Variants in STK33 observed in about 807,000 individuals in gnomAD.
STK33 encodes serine/threonine-protein kinase 33.
In STK33, 52 loss-of-function variants were observed where a neutral mutation model predicts 58.0. The ratio of observed to expected loss-of-function variants is 0.90; its 90% CI spans 0.72 to 1.13. STK33 has a LOEUF of 1.13. Among genes scored for constraint, STK33 ranks in the 50% most tolerant of loss-of-function variants. STK33 has a pLI of 0.00. For synonymous variants in STK33, 215 were observed against 200.1 expected, an observed-to-expected ratio of 1.07 and a Z score of -0.63; for missense variants, 630 against 604.2, an observed-to-expected ratio of 1.04 and a Z score of -0.45.
At chr11:8,583,366 A>C (rs2141386833) in intron 1 of STK33, among the ~76,000 whole-genome samples, 1 of 152,328 alleles carries the variant, frequency 6.6e-6, no homozygotes, top group East Asian at 1.9e-4. Flanking sequence ...TAGTACTAAA[A>C]GTAAAATTCC....
intron 8 of STK33, among the ~76,000 whole-genome samples, chr11:8,461,202 C>T (rs923670189): frequency 2.6e-5 from 4 of 152,174 alleles, no homozygotes; most frequent in Non-Finnish European, 5.9e-5. Flanking sequence ...CTAATCCGTA[C>T]ATTATTACTC....
At chr11:8,450,087 C>A (rs1946087838) in intron 11 of STK33, among the ~76,000 whole-genome samples, 1 of 152,122 alleles carries the variant, frequency 6.6e-6, no homozygotes, top group African/African-American at 2.4e-5. Context: ...AATCATTCTA[C>A]TGTAAGGACA....
At chr11:8,387,573 C>T (rs528671908), downstream of STK33, among the ~76,000 whole-genome samples, 453 of 152,292 alleles carry the variant, frequency 3.0e-3, 1 homozygote, top group Non-Finnish European at 4.9e-3. Context: ...TGTATAAGTG[C>T]TCTGTAACTG....
At chr11:8,352,018 T>C in the STK33 span, among the ~76,000 whole-genome samples, 2 of 152,348 alleles carry the variant, frequency 1.3e-5, no homozygotes, top group South Asian at 4.1e-4. Flanking sequence ...ACGTGGCCTC[T>C]GTCCCATCAC....
chr11:8,479,079 G>A (rs372075214), intron 2 of STK33, among the ~76,000 whole-genome samples: 18 of 152,080 alleles, frequency 1.2e-4, no homozygotes, highest in African/African-American at 4.3e-4. Flanking sequence ...GCAGTAATAC[G>A]GAAGGACAGT....
intron 15 of STK33, among the ~76,000 whole-genome samples, chr11:8,395,860 G>C (rs988335479): frequency 6.6e-6 from 1 of 152,156 alleles, no homozygotes; most frequent in African/African-American, 2.4e-5. Flanking sequence ...AATTTTGAAA[G>C]ATATCATCAT....
At chr11:8,420,078 G>T (rs1162053751) in intron 14 of STK33, among the ~76,000 whole-genome samples, 4 of 152,120 alleles carry the variant, frequency 2.6e-5, no homozygotes, top group Non-Finnish European at 4.4e-5. Context: ...AAAGTGCTGA[G>T]ATTACAGGTG....
chr11:8,436,642 A>C (rs577397602), intron 12 of STK33, among the ~76,000 whole-genome samples: 1 of 152,332 alleles, frequency 6.6e-6, no homozygotes, highest in East Asian at 1.9e-4. Context: ...ATCCATAGTA[A>C]AATACTGTAC....
At chr11:8,523,900 AAG>A (rs1399378095) in intron 1 of STK33, among the ~76,000 whole-genome samples, 1 of 152,234 alleles carries the variant, frequency 6.6e-6, no homozygotes, top group African/African-American at 2.4e-5. Context: ...GGGAAAAAGA[AAG>A]AGATCGGATT....
At chr11:8,453,776 T>G (rs1284561015) in intron 10 of STK33, among the ~76,000 whole-genome samples, 1 of 152,188 alleles carries the variant, frequency 6.6e-6, no homozygotes, top group Non-Finnish European at 1.5e-5. Context: ...AGTAAGAAAA[T>G]GCTCCTATTT....
chr11:8,389,098 G>A (rs1339260082), downstream of STK33, among the ~76,000 whole-genome samples: 1 of 152,044 alleles, frequency 6.6e-6, no homozygotes, highest in East Asian at 1.9e-4. Flanking sequence ...TGCGGAAGCT[G>A]AGGATTTAAC....
chr11:8,390,212 T>C (rs991367205), downstream of STK33, among the ~76,000 whole-genome samples: 3 of 152,230 alleles, frequency 2.0e-5, no homozygotes, highest in Admixed American at 2.0e-4. Context: ...GCCTGCCTTA[T>C]CTGTCACTCA....
At chr11:8,491,756 A>T (rs1591456952) in intron 1 of STK33, among the ~76,000 whole-genome samples, 1 of 152,140 alleles carries the variant, frequency 6.6e-6, no homozygotes, top group Non-Finnish European at 1.5e-5. Context: ...CTCAGCAGAA[A>T]CTCTACAAGC....
At chr11:8,391,595 A>C (rs1848629395), downstream of STK33, among the ~76,000 whole-genome samples, 1 of 152,226 alleles carries the variant, frequency 6.6e-6, no homozygotes, top group South Asian at 2.1e-4. Context: ...TTATGAAGGT[A>C]AAAGCAATTG....
chr11:8,336,930 G>A, the STK33 span, among the ~76,000 whole-genome samples: 3,036 of 152,324 alleles, frequency 0.02, 77 homozygotes, highest in African/African-American at 0.057. Flanking sequence ...CTGCACCACC[G>A]TGGCTCAGAG....
intron 1 of STK33, among the ~76,000 whole-genome samples, chr11:8,568,985 T>A (rs1350138823): frequency 3.9e-5 from 6 of 152,204 alleles, no homozygotes; most frequent in African/African-American, 1.4e-4. Flanking sequence ...TTAGGAGTTA[T>A]AAGACATAGA....
At chr11:8,478,796 A>C (rs1949525692) in intron 2 of STK33, among the ~76,000 whole-genome samples, 1 of 152,174 alleles carries the variant, frequency 6.6e-6, no homozygotes, top group Non-Finnish European at 1.5e-5. Flanking sequence ...GACCAAGCCA[A>C]ATGACTGACT....
intron 14 of STK33, among the ~76,000 whole-genome samples, chr11:8,430,849 A>G (rs1943332907): frequency 6.7e-6 from 1 of 150,094 alleles, no homozygotes; most frequent in African/African-American, 2.4e-5. Flanking sequence ...CTGGCTCATG[A>G]GCTTTTCCTT....
intron 12 of STK33, among the ~76,000 whole-genome samples, chr11:8,438,150 T>C (rs1404152370): frequency 6.6e-6 from 1 of 152,170 alleles, no homozygotes; most frequent in Non-Finnish European, 1.5e-5. Context: ...GGCTACATCT[T>C]AAAAAATTCA....
Sources: allele counts gnomAD v4.1 joint callset (sites outside exome capture counted in the v4.1 genomes callset), GRCh38; gene constraint gnomAD v4.1.1; transcripts MANE v1.5; gene names NCBI Gene and HGNC (gene_info 2026-07-23, HGNC 2026-07-21).